The following KIAA1217 variants were observed in gnomAD, a reference collection of about 807,000 sequenced individuals.
The protein encoded by KIAA1217 is sickle tail protein homolog.
Under a neutral mutation model 163.9 loss-of-function variants are expected in KIAA1217, and 88 were observed. The ratio of observed to expected loss-of-function variants is 0.54; its 90% CI spans 0.45 to 0.64. KIAA1217 has a LOEUF of 0.64. Ranked by LOEUF, KIAA1217 falls within the 30% of genes least tolerant of loss-of-function variation. KIAA1217 has a pLI of 0.00. For synonymous variants in KIAA1217, 903 were observed against 923.1 expected, an observed-to-expected ratio of 0.98 and a Z score of 0.39; for missense variants, 2,372 against 2,475.0, an observed-to-expected ratio of 0.96 and a Z score of 0.88.
chr10:24,181,746 T>G (rs556194043), intron 2 of KIAA1217, among the ~76,000 whole-genome samples: 1 of 152,304 alleles, frequency 6.6e-6, no homozygotes, highest in Admixed American at 6.5e-5. Context: ...AGGAGATAGA[T>G]TAGATGGAAT....
intron 2 of KIAA1217, among the ~76,000 whole-genome samples, chr10:24,105,732 T>C (rs547180019): frequency 6.6e-6 from 1 of 152,356 alleles, no homozygotes; most frequent in South Asian, 2.1e-4. Flanking sequence ...GTTCCAGGCA[T>C]TCTTCTAGGA....
chr10:24,328,438 A>C (rs2045229982), intron 2 of KIAA1217, among the ~76,000 whole-genome samples: 1 of 152,060 alleles, frequency 6.6e-6, no homozygotes, highest in Non-Finnish European at 1.5e-5. Flanking sequence ...TCCTGAGAAA[A>C]GAACTCAGAT....
At chr10:23,942,296 A>T (rs1002588613) in intron 1 of KIAA1217, among the ~76,000 whole-genome samples, 10 of 152,156 alleles carry the variant, frequency 6.6e-5, no homozygotes, top group Non-Finnish European at 1.3e-4. Flanking sequence ...TTAAGAATGT[A>T]ATGGAAAAGG....
intron 2 of KIAA1217, among the ~76,000 whole-genome samples, chr10:24,114,118 G>T (rs1290029313): frequency 6.6e-6 from 1 of 152,126 alleles, no homozygotes; most frequent in African/African-American, 2.4e-5. Context: ...TCAGCAGAGA[G>T]TTTAAGACTT....
chr10:24,189,772 T>C (rs1330468331), intron 2 of KIAA1217, among the ~76,000 whole-genome samples: 3 of 152,146 alleles, frequency 2.0e-5, no homozygotes, highest in African/African-American at 7.2e-5. Context: ...CCCAAGGACT[T>C]TGGGAGGCCA....
At chr10:24,216,781 C>T (rs2068871560) in intron 1 of KIAA1217, among the ~76,000 whole-genome samples, 2 of 145,724 alleles carry the variant, frequency 1.4e-5, no homozygotes, top group African/African-American at 2.6e-5. Context: ...GAGCTGAGAT[C>T]GCACCACTGC....
rs985652446 is a variant in KIAA1217 at position 24,423,608 on chromosome 10, C to A, written c.554-9387C>A. 6.6e-5 allele frequency among the ~76,000 whole-genome samples: 10 copies of A among 152,248 alleles called. 1 individual carries two copies. Among genetic ancestry groups the A allele is most frequent in the Admixed American group, 1.3e-4 (2 of 15,294 alleles). On this transcript the variant is annotated intron_variant, in intron 3 of 20. Coordinates refer to ENST00000376454, the MANE Select transcript of KIAA1217 (RefSeq NM_019590.5). ...CCAAGTAGCTGGGACTACAGGCATG[C>A]ACCACCACACCCAGCTAATTTTTGT...
At chr10:24,178,387 A>C (rs1387310990) in intron 2 of KIAA1217, among the ~76,000 whole-genome samples, 2 of 152,236 alleles carry the variant, frequency 1.3e-5, no homozygotes, top group Non-Finnish European at 2.9e-5. Context: ...TCTGCAGTTG[A>C]GTTGGGATAC....
At chr10:24,436,092 C>G (rs2059996478) in intron 4 of KIAA1217, among the ~76,000 whole-genome samples, 1 of 152,020 alleles carries the variant, frequency 6.6e-6, no homozygotes, top group Non-Finnish European at 1.5e-5. Flanking sequence ...AACTCCTGAC[C>G]TCAAGTGATC....
chr10:23,947,543 C>T (rs1844112965), intron 1 of KIAA1217, among the ~76,000 whole-genome samples: 1 of 152,244 alleles, frequency 6.6e-6, no homozygotes, highest in South Asian at 2.1e-4. Context: ...CATTATTTTA[C>T]ATTTCATAAT....
At chr10:24,039,233 C>A (rs149193596) in intron 2 of KIAA1217, among the ~76,000 whole-genome samples, 1 of 151,934 alleles carries the variant, frequency 6.6e-6, no homozygotes, top group Non-Finnish European at 1.5e-5. Flanking sequence ...CTCCACTCCA[C>A]CCCCACCCCA....
At chr10:24,337,390 T>G (rs532035483) in intron 2 of KIAA1217, among the ~76,000 whole-genome samples, 1 of 152,134 alleles carries the variant, frequency 6.6e-6, no homozygotes. Flanking sequence ...CTAATGAGTA[T>G]GAAGGAGTAT....
chr10:24,384,436 C>G (rs745362747), intron 3 of KIAA1217, among the ~76,000 whole-genome samples: 2 of 152,072 alleles, frequency 1.3e-5, no homozygotes, highest in African/African-American at 4.8e-5. Context: ...ACGTTTGTTA[C>G]GATCAATGAA....
chr10:23,899,416 A>C (rs965352527), intron 1 of KIAA1217, among the ~76,000 whole-genome samples: 4 of 152,094 alleles, frequency 2.6e-5, no homozygotes, highest in Admixed American at 6.6e-5. Flanking sequence ...CTGATTGCTA[A>C]TGAAGTTGGA....
intron 1 of KIAA1217, among the ~76,000 whole-genome samples, chr10:23,901,414 A>T (rs1841948804): frequency 6.6e-6 from 1 of 152,140 alleles, no homozygotes; most frequent in African/African-American, 2.4e-5. Flanking sequence ...ATTGTTCCTC[A>T]GAAAATAAAA....
intron 2 of KIAA1217, among the ~76,000 whole-genome samples, chr10:24,119,288 G>A (rs866817084): frequency 4.6e-5 from 7 of 152,260 alleles, no homozygotes; most frequent in African/African-American, 1.4e-4. Context: ...TGTTGCCCTA[G>A]CAAGCAAACC....
intron 1 of KIAA1217, among the ~76,000 whole-genome samples, chr10:24,215,663 A>G (rs1420884520): frequency 6.6e-6 from 1 of 152,182 alleles, no homozygotes; most frequent in African/African-American, 2.4e-5. Context: ...AAATGGCTGG[A>G]ATGGCAGAGT....
At chr10:23,818,803 C>G (rs1283475321) in intron 1 of KIAA1217, among the ~76,000 whole-genome samples, 1 of 152,166 alleles carries the variant, frequency 6.6e-6, no homozygotes. Flanking sequence ...GAAATCACAG[C>G]TCTGTAAGCT....
intron 2 of KIAA1217, among the ~76,000 whole-genome samples, chr10:24,277,445 A>G (rs1039873189): frequency 6.6e-6 from 1 of 152,214 alleles, no homozygotes; most frequent in Non-Finnish European, 1.5e-5. Context: ...AGACAAGGCC[A>G]CCTGCTATGC....
Sources: gnomAD v4.1 joint callset for allele counts (sites outside exome capture counted in the v4.1 genomes callset) on GRCh38, gnomAD v4.1.1 for gene constraint, MANE v1.5 for transcripts, NCBI Gene and HGNC (gene_info 2026-07-23, HGNC 2026-07-21) for gene names.